The following ELMO1 variants were observed in gnomAD, a reference collection of about 807,000 sequenced individuals.
ELMO1 encodes engulfment and cell motility protein 1.
In ELMO1, 26 loss-of-function variants were observed where a neutral mutation model predicts 98.9. The ratio of observed to expected loss-of-function variants is 0.26; its 90% confidence interval spans 0.19 to 0.36. The LOEUF is 0.36. Among genes scored for constraint, ELMO1 ranks in the 10% least tolerant of loss-of-function variants. The pLI, the probability that ELMO1 is intolerant of heterozygous loss-of-function variation, is 1.00. For missense variants in ELMO1, 627 were observed against 935.2 expected (o/e 0.67, Z 4.30); for synonymous variants, 346 against 346.0 (o/e 1.00, Z 0.00).
At chr7:37,324,906 G>A (rs1416252262) in intron 2 of ELMO1, among the ~76,000 whole-genome samples, 3 of 152,162 alleles carry the variant, frequency 2.0e-5, no homozygotes, top group African/African-American at 2.4e-5. Context: ...TTCCAGGGAC[G>A]GCTTCTGCAG....
chr7:37,244,979 T>TA (rs966792910), intron 6 of ELMO1, among the ~76,000 whole-genome samples: 2 of 152,184 alleles, frequency 1.3e-5, no homozygotes, highest in Non-Finnish European at 1.5e-5. Context: ...TATGCTTTTT[T>TA]AAAAAAACTA....
chr7:37,376,372 A>C (rs1177045074), intron 1 of ELMO1, among the ~76,000 whole-genome samples: 2 of 152,182 alleles, frequency 1.3e-5, no homozygotes, highest in Admixed American at 1.3e-4. Flanking sequence ...ATAACCAGCT[A>C]TTGTTCCCTA....
chr7:37,139,953 A>T (rs906748172), intron 13 of ELMO1, among the ~76,000 whole-genome samples: 15 of 152,178 alleles, frequency 9.9e-5, no homozygotes, highest in Admixed American at 8.5e-4. Flanking sequence ...GAAAATAAAA[A>T]AATAAAGTGG....
At chr7:37,244,725 T>C (rs1252305328) in intron 6 of ELMO1, among the ~76,000 whole-genome samples, 1 of 152,224 alleles carries the variant, frequency 6.6e-6, no homozygotes, top group East Asian at 1.9e-4. Context: ...TAGGAATTGA[T>C]ACATTTTAAA....
chr7:37,265,839 G>A (rs566347531), intron 5 of ELMO1, among the ~76,000 whole-genome samples: 33 of 152,118 alleles, frequency 2.2e-4, no homozygotes, highest in Non-Finnish European at 4.6e-4. Flanking sequence ...CCATGGGGGT[G>A]GCTGGCACAC....
chr7:37,001,544 A>G (rs1792671137), intron 16 of ELMO1, among the ~76,000 whole-genome samples: 1 of 152,228 alleles, frequency 6.6e-6, no homozygotes, highest in African/African-American at 2.4e-5. Context: ...GAACTAGAAG[A>G]TATTTTCCAA....
chr7:37,340,097 G>C (rs932518215), intron 2 of ELMO1, among the ~76,000 whole-genome samples: 1 of 152,132 alleles, frequency 6.6e-6, no homozygotes, highest in Admixed American at 6.5e-5. Context: ...TCCTGGACAG[G>C]ATATTACACC....
At chr7:37,310,904 G>A (rs1798857604) in intron 4 of ELMO1, among the ~76,000 whole-genome samples, 2 of 152,128 alleles carry the variant, frequency 1.3e-5, no homozygotes. Flanking sequence ...ACTGTGATGA[G>A]GGTCATAAAC....
intron 16 of ELMO1, among the ~76,000 whole-genome samples, chr7:36,914,511 A>G (rs1255730729): frequency 6.7e-6 from 1 of 148,636 alleles, no homozygotes; most frequent in Non-Finnish European, 1.5e-5. Context: ...AAATGAATGT[A>G]CATTCTTTTT....
At chr7:37,352,381 C>T (rs578065847) in intron 1 of ELMO1, among the ~76,000 whole-genome samples, 21 of 152,322 alleles carry the variant, frequency 1.4e-4, no homozygotes, top group African/African-American at 5.1e-4. Flanking sequence ...GGATTGCAGG[C>T]ATGAGCCACT....
At chr7:37,097,841 TC>T (rs1784441338) in intron 14 of ELMO1, among the ~76,000 whole-genome samples, 1 of 152,190 alleles carries the variant, frequency 6.6e-6, no homozygotes, top group African/African-American at 2.4e-5. Flanking sequence ...GTCCCCCTGT[TC>T]CTATAGCACA....
In ELMO1 at chr7:37,069,515, C is replaced by G. The variant is rs576325700; in HGVS notation, c.1300+27104G>C. Reference sequence around the variant, plus strand: ...GCTGCAAACATGAAATTAAGAAATTCCCTAGAAGAGAAATTCTCAAATTGT... The same window carrying G: ...GCTGCAAACATGAAATTAAGAAATTGCCTAGAAGAGAAATTCTCAAATTGT... On this transcript the variant is annotated intron_variant, in intron 15 of 21. Transcript: ENST00000310758. 4.6e-5 allele frequency among the ~76,000 whole-genome samples: 7 copies of G among 152,188 alleles called. No individual in the cohort carries two copies. The South Asian group carries it at 1.5e-3, about 32-fold the overall frequency.
At chr7:36,897,349 T>TGTGTGTGTGTGA (rs1370708472) in intron 16 of ELMO1, among the ~76,000 whole-genome samples, 2,606 of 151,698 alleles carry the variant, frequency 0.017, 73 homozygotes, top group African/African-American at 0.061. Flanking sequence ...TGTGTGTGTG[T>TGTGTGTGTGTGA]GAAAGAGTGT....
chr7:36,974,016 C>T lies in ELMO1; in HGVS notation c.1437+39283G>A, dbSNP rs181175220. ...GACCTGCAGCCCGCCATGCCTGAGC[C>T]TCCCCCCCACTCCGTGGGCTCCTGT... On this transcript the variant is annotated intron_variant, in intron 16 of 21. Coordinates refer to ENST00000310758, the MANE Select transcript of ELMO1 (RefSeq NM_014800.11). Among the ~76,000 whole-genome samples, 879 of 152,326 alleles carry T rather than the reference C, an allele frequency of 5.8e-3. 9 individuals carry two copies. The highest frequency in any genetic ancestry group is 0.021 in the African/African-American group (861 of 41,576).
intron 16 of ELMO1, among the ~76,000 whole-genome samples, chr7:36,943,425 T>A (rs1787214640): frequency 6.6e-6 from 1 of 152,240 alleles, no homozygotes; most frequent in South Asian, 2.1e-4. Flanking sequence ...CCTCTCCTTG[T>A]CTCTGTGCTC....
At chr7:37,307,840 G>A (rs753224383) in intron 4 of ELMO1, among the ~76,000 whole-genome samples, 12 of 152,194 alleles carry the variant, frequency 7.9e-5, no homozygotes, top group Non-Finnish European at 1.6e-4. Flanking sequence ...AGCTGGGTGT[G>A]GTGGCTCACG....
At chr7:36,864,671 C>T (rs538690483) in intron 20 of ELMO1, among the ~76,000 whole-genome samples, 7 of 152,318 alleles carry the variant, frequency 4.6e-5, no homozygotes, top group African/African-American at 1.2e-4. Flanking sequence ...AGGGAGAAGG[C>T]GCCAGGTGGT....
chr7:37,289,614 C>T (rs1797572569), intron 4 of ELMO1, among the ~76,000 whole-genome samples: 1 of 152,108 alleles, frequency 6.6e-6, no homozygotes, highest in Non-Finnish European at 1.5e-5. Flanking sequence ...GAGGAAGGGC[C>T]TAGTATGAGA....
At chr7:37,052,539 G>A (rs1796164112) in intron 15 of ELMO1, among the ~76,000 whole-genome samples, 1 of 152,154 alleles carries the variant, frequency 6.6e-6, no homozygotes, top group Admixed American at 6.5e-5. Flanking sequence ...TTCAATGAAT[G>A]TATACCATGG....
Sources: allele counts gnomAD v4.1 joint callset (sites outside exome capture counted in the v4.1 genomes callset), GRCh38; gene constraint gnomAD v4.1.1; transcripts MANE v1.5; gene names NCBI Gene and HGNC (gene_info 2026-07-23, HGNC 2026-07-21).